Variants in THSD7B observed in about 807,000 individuals in gnomAD.
The protein encoded by THSD7B is thrombospondin type-1 domain-containing protein 7B.
THSD7B carries 138 observed loss-of-function variants against 213.6 expected under a neutral mutation model. That is an observed-to-expected ratio of 0.65 (90% CI 0.56 to 0.74). The LOEUF (loss-of-function observed/expected upper bound fraction) is 0.74, where lower values mean the gene tolerates loss of function less well. THSD7B is among the 30% of genes least tolerant of loss of function. The pLI, the probability that THSD7B is intolerant of heterozygous loss-of-function variation, is 0.00. For synonymous variants in THSD7B, 742 were observed against 687.0 expected (o/e 1.08, Z -1.25); for missense variants, 1,931 against 1,991.5 (o/e 0.97, Z 0.58).
At chr2:137,643,819 A>G (rs534140883) in intron 21 of THSD7B, among the ~76,000 whole-genome samples, 2 of 152,312 alleles carry the variant, frequency 1.3e-5, no homozygotes, top group South Asian at 4.1e-4. Context: ...ACAGAGGGAC[A>G]GAGAACTGAC....
intron 15 of THSD7B, among the ~76,000 whole-genome samples, chr2:137,495,466 G>A (rs1679539485): frequency 6.6e-6 from 1 of 151,956 alleles, no homozygotes; most frequent in Non-Finnish European, 1.5e-5. Context: ...TCTACCCTGG[G>A]GTTTACACCC....
intron 15 of THSD7B, among the ~76,000 whole-genome samples, chr2:137,549,306 T>A (rs1421610622): frequency 1.6e-5 from 2 of 126,034 alleles, no homozygotes; most frequent in Non-Finnish European, 3.3e-5. Context: ...TTTTTTCAGA[T>A]GCTCTTTTTT....
intron 2 of THSD7B, among the ~76,000 whole-genome samples, chr2:136,903,091 T>C (rs910023390): frequency 6.6e-6 from 1 of 152,208 alleles, no homozygotes; most frequent in Non-Finnish European, 1.5e-5. Flanking sequence ...TGAAAGTTAA[T>C]GTAGCATTTA....
chr2:136,826,940 C>A (rs1034839206), intron 1 of THSD7B, among the ~76,000 whole-genome samples: 1 of 152,218 alleles, frequency 6.6e-6, no homozygotes, highest in Non-Finnish European at 1.5e-5. Context: ...TATATACTTA[C>A]ATCTCCATCT....
At chr2:136,951,392 T>A (rs890714451) in intron 2 of THSD7B, among the ~76,000 whole-genome samples, 5 of 152,216 alleles carry the variant, frequency 3.3e-5, no homozygotes, top group African/African-American at 9.7e-5. Context: ...ATAATTTGAA[T>A]GTAGCAAACT....
chr2:137,307,986 T>C (rs1265177289), intron 12 of THSD7B, among the ~76,000 whole-genome samples: 3 of 151,910 alleles, frequency 2.0e-5, no homozygotes, highest in African/African-American at 7.3e-5. Context: ...GGGGTGCAAA[T>C]AGGGCAACCA....
intron 12 of THSD7B, among the ~76,000 whole-genome samples, chr2:137,383,661 C>T (rs771842796): frequency 1.3e-5 from 2 of 152,142 alleles, no homozygotes; most frequent in Non-Finnish European, 2.9e-5. Flanking sequence ...GCCACTATTG[C>T]CTGTAAAATG....
chr2:136,890,690 C>G (rs1357576833), intron 2 of THSD7B, among the ~76,000 whole-genome samples: 1 of 150,684 alleles, frequency 6.6e-6, no homozygotes, highest in Non-Finnish European at 1.5e-5. Flanking sequence ...CAGGCATCCA[C>G]CAACATGCCA....
At chr2:137,025,016 C>T (rs898257946) in intron 2 of THSD7B, among the ~76,000 whole-genome samples, 1 of 152,116 alleles carries the variant, frequency 6.6e-6, no homozygotes, top group African/African-American at 2.4e-5. Context: ...TTTTGCTTAT[C>T]GTAAGTCATT....
intron 5 of THSD7B, among the ~76,000 whole-genome samples, chr2:137,132,463 G>A (rs1688755994): frequency 6.6e-6 from 1 of 151,926 alleles, no homozygotes; most frequent in Non-Finnish European, 1.5e-5. Context: ...CTACTGATAA[G>A]GCAAGGATAC....
chr2:136,846,777 G>C (rs752702493), intron 1 of THSD7B, among the ~76,000 whole-genome samples: 1 of 152,064 alleles, frequency 6.6e-6, no homozygotes. Context: ...TGGGTTTTAC[G>C]ATACACAGAT....
At chr2:137,614,683 T>C (rs922636815) in intron 17 of THSD7B, among the ~76,000 whole-genome samples, 39 of 152,196 alleles carry the variant, frequency 2.6e-4, no homozygotes, top group African/African-American at 9.4e-4. Flanking sequence ...TCATGGGCCC[T>C]TCTTGATTAT....
At chr2:137,635,965 C>T (rs930292577) in intron 20 of THSD7B, among the ~76,000 whole-genome samples, 3 of 152,144 alleles carry the variant, frequency 2.0e-5, no homozygotes, top group Non-Finnish European at 2.9e-5. Context: ...GCATCCCAAA[C>T]TGCTGGGATT....
intron 3 of THSD7B, among the ~76,000 whole-genome samples, chr2:137,086,667 C>T (rs115374301): frequency 7.0e-4 from 107 of 152,186 alleles, no homozygotes; most frequent in African/African-American, 2.4e-3. Flanking sequence ...GTTCACTCTA[C>T]GACAATGGTC....
At chr2:137,483,194 C>T (rs1465195668) in intron 15 of THSD7B, among the ~76,000 whole-genome samples, 1 of 152,208 alleles carries the variant, frequency 6.6e-6, no homozygotes, top group African/African-American at 2.4e-5. Context: ...AGAGTTCAAA[C>T]TAATGACCAG....
intron 12 of THSD7B, among the ~76,000 whole-genome samples, chr2:137,342,522 G>T (rs1308061302): frequency 6.6e-6 from 1 of 151,126 alleles, no homozygotes; most frequent in Admixed American, 6.6e-5. Context: ...TTGCCTAATT[G>T]TTCTGACAAG....
At chr2:136,863,227 A>T (rs1683281936) in intron 1 of THSD7B, among the ~76,000 whole-genome samples, 1 of 152,234 alleles carries the variant, frequency 6.6e-6, no homozygotes, top group Non-Finnish European at 1.5e-5. Flanking sequence ...GTTGGTAAGC[A>T]TCCTGAAAGG....
chr2:137,380,682 C>T (rs375207863), intron 12 of THSD7B, among the ~76,000 whole-genome samples: 6 of 152,268 alleles, frequency 3.9e-5, no homozygotes, highest in East Asian at 1.9e-4. Context: ...AGAAGGAACC[C>T]GACCCACTGC....
At chr2:137,125,992 G>T (rs1051586253) in intron 5 of THSD7B, among the ~76,000 whole-genome samples, 6 of 152,130 alleles carry the variant, frequency 3.9e-5, no homozygotes, top group African/African-American at 1.4e-4. Context: ...TCAACAGTGG[G>T]CTTAAAATAT....
Sources: gnomAD v4.1 joint callset for allele counts (sites outside exome capture counted in the v4.1 genomes callset) on GRCh38, gnomAD v4.1.1 for gene constraint, MANE v1.5 for transcripts, NCBI Gene and HGNC (gene_info 2026-07-23, HGNC 2026-07-21) for gene names.